DPYD: variants seen among roughly 807,000 people sequenced by gnomAD.
The protein encoded by DPYD is dihydropyrimidine dehydrogenase [NADP(+)].
A neutral mutation model predicts 116.2 loss-of-function variants in DPYD; 109 were observed. The observed-to-expected ratio is 0.94, with a 90% CI of 0.80 to 1.10. DPYD has a LOEUF of 1.10. DPYD is among the 50% of genes least tolerant of loss of function. The pLI is 0.00. For synonymous variants in DPYD, 440 were observed against 432.0 expected, an observed-to-expected ratio of 1.02 and a Z score of -0.23; for missense variants, 1,302 against 1,254.5, an observed-to-expected ratio of 1.04 and a Z score of -0.57.
intron 21 of DPYD, among the ~76,000 whole-genome samples, chr1:97,086,045 G>A (rs181490469): frequency 1.1e-4 from 16 of 151,954 alleles, no homozygotes; most frequent in African/African-American, 2.2e-4. Context: ...AAAAGTTGTC[G>A]TTGTTTTGTT....
chr1:97,215,436 A>G (rs1313357168), intron 19 of DPYD, among the ~76,000 whole-genome samples: 1 of 152,140 alleles, frequency 6.6e-6, no homozygotes, highest in African/African-American at 2.4e-5. Flanking sequence ...TTGCCATATT[A>G]TTTATGATTA....
intron 20 of DPYD, among the ~76,000 whole-genome samples, chr1:97,160,495 T>C (rs1032999154): frequency 2.0e-5 from 3 of 152,068 alleles, no homozygotes; most frequent in African/African-American, 7.2e-5. Context: ...CAGCAGAATT[T>C]TGAAGGCCAA....
intron 8 of DPYD, among the ~76,000 whole-genome samples, chr1:97,613,361 A>G (rs1656065882): frequency 6.6e-6 from 1 of 152,014 alleles, no homozygotes; most frequent in Non-Finnish European, 1.5e-5. Context: ...ATAAAAATCA[A>G]TCATAACTCT....
At chr1:97,111,553 G>T (rs1428294351) in intron 20 of DPYD, among the ~76,000 whole-genome samples, 1 of 151,764 alleles carries the variant, frequency 6.6e-6, no homozygotes, top group African/African-American at 2.4e-5. Context: ...TTAGGACTCA[G>T]ATAAAATGTC....
intron 12 of DPYD, among the ~76,000 whole-genome samples, chr1:97,541,089 C>T (rs1650419468): frequency 6.6e-6 from 1 of 152,114 alleles, no homozygotes; most frequent in African/African-American, 2.4e-5. Context: ...CCTTGTTTTC[C>T]TCCCTAAGAG....
intron 14 of DPYD, among the ~76,000 whole-genome samples, chr1:97,442,746 A>T (rs1370670496): frequency 6.6e-6 from 1 of 152,160 alleles, no homozygotes; most frequent in Non-Finnish European, 1.5e-5. Context: ...TTTAATTTTT[A>T]AATTGGTAAC....
rs567636021 is a variant in DPYD, at chr1:97,483,151, C to T, written c.1740+32575G>A. The stretch of plus-strand genomic sequence containing the variant: ...ATAACTGAGCAGTTTGCTCTGTTTC[C>T]GGAGAAATTCCTTCTAGCTCTTGGT... On this transcript the variant is annotated intron_variant, in intron 13 of 22. Coordinates refer to ENST00000370192, the MANE Select transcript of DPYD (RefSeq NM_000110.4). 7.2e-5 allele frequency among the ~76,000 whole-genome samples: 11 copies of T among 152,264 alleles called. No individual in the cohort carries two copies. In the South Asian group the frequency reaches 1.0e-3, roughly 14 times the overall value.
intron 16 of DPYD, among the ~76,000 whole-genome samples, chr1:97,336,062 A>G (rs2101190955): frequency 6.6e-6 from 1 of 152,298 alleles, no homozygotes; most frequent in African/African-American, 2.4e-5. Flanking sequence ...TTTTCCTTAT[A>G]AAGAATATTC....
At chr1:97,823,952 G>A (rs925040873) in intron 3 of DPYD, among the ~76,000 whole-genome samples, 9 of 149,194 alleles carry the variant, frequency 6.0e-5, no homozygotes, top group African/African-American at 2.2e-4. Flanking sequence ...CCATTTACTG[G>A]GTGATTGAAC....
chr1:97,611,027 A>G (rs532336472), intron 8 of DPYD, among the ~76,000 whole-genome samples: 2 of 152,114 alleles, frequency 1.3e-5, no homozygotes, highest in East Asian at 1.9e-4. Context: ...ACAAACATAC[A>G]TATGATAATA....
At chr1:97,176,219 A>G (rs1657246916) in intron 20 of DPYD, among the ~76,000 whole-genome samples, 2 of 152,228 alleles carry the variant, frequency 1.3e-5, no homozygotes, top group Admixed American at 6.5e-5. Context: ...GGGAGAGTGG[A>G]TAAGTGCTTA....
At chr1:97,167,906 T>A (rs1656442298) in intron 20 of DPYD, among the ~76,000 whole-genome samples, 1 of 152,192 alleles carries the variant, frequency 6.6e-6, no homozygotes, top group African/African-American at 2.4e-5. Context: ...TTATTACCAA[T>A]CTTGGGAAAA....
intron 18 of DPYD, among the ~76,000 whole-genome samples, chr1:97,247,002 G>A (rs1444580799): frequency 6.6e-6 from 1 of 151,992 alleles, no homozygotes; most frequent in Non-Finnish European, 1.5e-5. Flanking sequence ...AGATCATAAA[G>A]TTCTTTCTAG....
intron 18 of DPYD, among the ~76,000 whole-genome samples, chr1:97,294,802 T>C (rs1463053319): frequency 2.0e-5 from 3 of 152,200 alleles, no homozygotes; most frequent in Non-Finnish European, 4.4e-5. Context: ...TTTTGTTCCT[T>C]GAAACGAATC....
chr1:97,322,297 C>T (rs1041235492), intron 16 of DPYD, among the ~76,000 whole-genome samples: 4 of 151,662 alleles, frequency 2.6e-5, no homozygotes, highest in African/African-American at 9.7e-5. Context: ...TTTCTTCCCA[C>T]TGCTGCTGTA....
chr1:97,876,530 C>T (rs764325935), intron 2 of DPYD, among the ~76,000 whole-genome samples: 36 of 152,072 alleles, frequency 2.4e-4, no homozygotes, highest in South Asian at 2.1e-4. Flanking sequence ...ACTTACTCTG[C>T]CATCTCTCCC....
intron 16 of DPYD, among the ~76,000 whole-genome samples, chr1:97,317,116 G>A (rs913743899): frequency 6.6e-6 from 1 of 151,680 alleles, no homozygotes; most frequent in Non-Finnish European, 1.5e-5. Flanking sequence ...TTTATACTGG[G>A]CCAAAAAATG....
chr1:97,168,151 C>A (rs1656458130), intron 20 of DPYD, among the ~76,000 whole-genome samples: 1 of 152,084 alleles, frequency 6.6e-6, no homozygotes, highest in Admixed American at 6.6e-5. Flanking sequence ...ATTCTCCAAA[C>A]AAGTTAAGCT....
chr1:97,272,562 A>G (rs1355011697), intron 18 of DPYD, among the ~76,000 whole-genome samples: 3 of 152,256 alleles, frequency 2.0e-5, no homozygotes, highest in Non-Finnish European at 1.5e-5. Context: ...TTTAATCTCT[A>G]TATACTATAA....
Sources: gnomAD v4.1 joint callset for allele counts (sites outside exome capture counted in the v4.1 genomes callset) on GRCh38, gnomAD v4.1.1 for gene constraint, MANE v1.5 for transcripts, NCBI Gene and HGNC (gene_info 2026-07-23, HGNC 2026-07-21) for gene names.